GRK5: variants seen among roughly 807,000 people sequenced by gnomAD.
The protein encoded by GRK5 is G protein-coupled receptor kinase 5.
A neutral mutation model predicts 78.4 loss-of-function variants in GRK5; 40 were observed. That is an observed-to-expected ratio of 0.51 (90% CI 0.40 to 0.66). The LOEUF is 0.66. GRK5 is among the 30% of genes least tolerant of loss of function. The probability of loss-of-function intolerance (pLI) is 0.00; values close to 1 mark genes in which losing one functional copy is unlikely to be tolerated. For missense variants in GRK5, 598 were observed against 759.9 expected (o/e 0.79, Z 2.50); for synonymous variants, 289 against 296.8 (o/e 0.97, Z 0.27).
intron 9 of GRK5, 87 bp downstream of exon 9, chr10:119,436,928 C>A: frequency 7.9e-7 from 1 of 1,264,806 alleles, no homozygotes; most frequent in South Asian, 1.5e-5. Context: ...TGGTTGCCAT[C>A]GCTCTGGGAA....
Position 119,452,967 on chromosome 10 carries a change from G to T in GRK5, c.1542+159G>T, listed in dbSNP as rs1029913140. Among the ~76,000 whole-genome samples the T allele has an allele frequency of 2.0e-5, 3 of 152,160 alleles. No homozygotes were observed. The highest frequency in any genetic ancestry group is 4.4e-5 in the Non-Finnish European group (3 of 68,012). ...ACAAAAGCTGTCAGTGGCCAAGTAG[G>T]GAGCTGTAGCCACCACGGGCCAGTC... On this transcript the variant is annotated intron_variant, in intron 14 of 15. Coordinates refer to ENST00000392870, the MANE Select transcript of GRK5 (RefSeq NM_005308.3). The surrounding 1 kb of genome is among the most constrained non-coding windows in gnomAD (Gnocchi z 4.4).
chr10:119,266,664 T>C (rs1164372113), intron 1 of GRK5, among the ~76,000 whole-genome samples: 1 of 151,002 alleles, frequency 6.6e-6, no homozygotes, highest in Non-Finnish European at 1.5e-5. Context: ...GAAGGTGGAT[T>C]CTTCATGGAG....
intron 1 of GRK5, among the ~76,000 whole-genome samples, chr10:119,263,903 G>C (rs765671026): frequency 1.3e-5 from 2 of 152,106 alleles, no homozygotes; most frequent in Admixed American, 6.6e-5. Context: ...ACTCCAGCCT[G>C]GGTGACAGAG....
intron 1 of GRK5, among the ~76,000 whole-genome samples, chr10:119,281,813 C>T (rs1849768563): frequency 6.6e-6 from 1 of 152,210 alleles, no homozygotes; most frequent in South Asian, 2.1e-4. Context: ...TGCTGTGAAC[C>T]AGTGATGGAG....
intron 1 of GRK5, among the ~76,000 whole-genome samples, chr10:119,261,179 A>G (rs201218940): frequency 1.3e-4 from 15 of 119,478 alleles, no homozygotes; most frequent in East Asian, 2.8e-4. Context: ...TCACTTCTCA[A>G]ACGGGGCGGC....
intron 1 of GRK5, among the ~76,000 whole-genome samples, chr10:119,308,386 G>A (rs187882866): frequency 6.6e-6 from 1 of 151,766 alleles, no homozygotes; most frequent in Admixed American, 6.5e-5. Flanking sequence ...AACTCTGCGT[G>A]TGGCAAGGGC....
chr10:119,270,364 C>T (rs866521037), intron 1 of GRK5, among the ~76,000 whole-genome samples: 49 of 152,244 alleles, frequency 3.2e-4, no homozygotes, highest in African/African-American at 1.2e-3. Context: ...CATGTACAAA[C>T]ATTTTCCTTG....
chr10:119,343,909 T>C (rs946078259), intron 2 of GRK5, among the ~76,000 whole-genome samples: 10 of 152,270 alleles, frequency 6.6e-5, no homozygotes, highest in African/African-American at 2.4e-4. Context: ...TAACCCACTG[T>C]GTACGGCGTT....
At chr10:119,425,156 A>G (rs946002495) in intron 6 of GRK5, 71 bp downstream of exon 6, 2 of 1,131,996 alleles carry the variant, frequency 1.8e-6, no homozygotes, top group African/African-American at 3.0e-5. Flanking sequence ...AATTCATATA[A>G]AAATCAGTTA....
intron 2 of GRK5, among the ~76,000 whole-genome samples, chr10:119,368,660 C>T (rs1204848613): frequency 1.3e-5 from 2 of 152,232 alleles, no homozygotes; most frequent in Admixed American, 1.3e-4. Context: ...AATCTCCTAG[C>T]CCCAGTCCCA....
chr10:119,427,992 A>G (rs1852736026), intron 6 of GRK5, among the ~76,000 whole-genome samples: 1 of 152,268 alleles, frequency 6.6e-6, no homozygotes, highest in Admixed American at 6.5e-5. Flanking sequence ...CATCAACAGC[A>G]TCACTGCCAT....
intron 2 of GRK5, among the ~76,000 whole-genome samples, chr10:119,348,243 G>T (rs1851132371): frequency 6.6e-6 from 1 of 152,180 alleles, no homozygotes; most frequent in Admixed American, 6.5e-5. Flanking sequence ...GATGTCAAAA[G>T]CAAAGCTCTC....
chr10:119,428,078 T>C (rs1852737675), intron 6 of GRK5, among the ~76,000 whole-genome samples: 3 of 152,234 alleles, frequency 2.0e-5, no homozygotes, highest in African/African-American at 7.2e-5. Context: ...ATTCTGCCAA[T>C]TACAGGGCAG....
At chr10:119,280,495 A>AT (rs1189690894) in intron 1 of GRK5, among the ~76,000 whole-genome samples, 1 of 152,154 alleles carries the variant, frequency 6.6e-6, no homozygotes, top group Admixed American at 6.5e-5. Context: ...GTCAGCTGTC[A>AT]TTCGTCCTCC....
chr10:119,336,788 A>G lies in GRK5; in HGVS notation c.148+10177A>G, dbSNP rs1217725600. 6.6e-6 allele frequency among the ~76,000 whole-genome samples: 1 copy of G among 152,196 alleles called. No individual in the cohort carries two copies. Among genetic ancestry groups the G allele is most frequent in the East Asian group, 1.9e-4 (1 of 5,174 alleles). On this transcript the variant is annotated intron_variant, in intron 2 of 15. Transcript: ENST00000392870. The surrounding 1 kb of genome is among the most constrained non-coding windows in gnomAD (Gnocchi z 4.5). ...CGTTCTGCCACCTAGCCGTGCTGTG[A>G]TAAGGCACAGCATCTGCTTGTCCTT...
At chr10:119,331,228 C>T (rs534532755) in intron 2 of GRK5, among the ~76,000 whole-genome samples, 2 of 152,328 alleles carry the variant, frequency 1.3e-5, no homozygotes, top group South Asian at 2.1e-4. Context: ...GAGGAACGTG[C>T]GTGCTGGCGT....
intron 1 of GRK5, among the ~76,000 whole-genome samples, chr10:119,239,962 A>T (rs1848995707): frequency 6.6e-6 from 1 of 152,174 alleles, no homozygotes. Flanking sequence ...TATTGTGAAC[A>T]GTGCTGCAAT....
intron 1 of GRK5, among the ~76,000 whole-genome samples, chr10:119,283,619 G>A (rs1849799110): frequency 6.6e-6 from 1 of 152,214 alleles, no homozygotes; most frequent in South Asian, 2.1e-4. Context: ...TAGGCCTTGG[G>A]GTGGAGCTAG....
chr10:119,291,933 T>C, intron 1 of GRK5, among the ~76,000 whole-genome samples: 1 of 129,394 alleles, frequency 7.7e-6, no homozygotes, highest in African/African-American at 2.9e-5. Context: ...CCTCCTTCTT[T>C]TCCTCCTCTT....
Sources: allele counts gnomAD v4.1 joint callset (sites outside exome capture counted in the v4.1 genomes callset), GRCh38; gene constraint gnomAD v4.1.1; non-coding constraint Gnocchi (gnomAD v3.1); transcripts MANE v1.5; gene names NCBI Gene and HGNC (gene_info 2026-07-23, HGNC 2026-07-21).